Variants in R3HDM2 observed in about 807,000 individuals in gnomAD.
R3HDM2 encodes the protein R3H domain-containing protein 2.
In R3HDM2, 38 loss-of-function variants were observed where a neutral mutation model predicts 124.5. The observed-to-expected ratio is 0.31, with a 90% confidence interval of 0.24 to 0.40. The LOEUF (loss-of-function observed/expected upper bound fraction) is 0.40, where lower values mean the gene tolerates loss of function less well. Ranked by LOEUF, R3HDM2 falls within the 10% of genes least tolerant of loss-of-function variation. R3HDM2 has a pLI of 1.00. For synonymous variants in R3HDM2, 391 were observed against 448.0 expected, an observed-to-expected ratio of 0.87 and a Z score of 1.61; for missense variants, 869 against 1,236.9, an observed-to-expected ratio of 0.70 and a Z score of 4.46.
intron 1 of R3HDM2, chr12:57,430,441 A>G: frequency 3.5e-6 from 3 of 854,864 alleles, no homozygotes; most frequent in Non-Finnish European, 4.2e-6. Flanking sequence ...GAAGGGCGCA[A>G]TAGTTTTTAG....
rs1869738656 is a variant in R3HDM2 at position 57,430,869 on chromosome 12, C to T, written c.-255G>A. The T allele has an allele frequency of 7.8e-6, 1 of 127,900 alleles. No individual in the cohort carries two copies. The highest frequency in any genetic ancestry group is 8.5e-5 in the Admixed American group (1 of 11,778). 7.9% of individuals were successfully genotyped at this position (127,900 alleles called of 1,614,324 possible). A position where few individuals can be genotyped will look rare whatever the true frequency, so the allele number is the denominator to read the frequency against. On this transcript the variant is annotated 5_prime_UTR_variant, in exon 1 of 24. Transcript: ENST00000402412. ...GCCGGGGCTTCCCCGGGGCCGAGGG[C>T]TGGGAAGCAGGGGGGACTGGGACGG...
chr12:57,272,535 G>A (rs1432106401), intron 14 of R3HDM2: 11 of 1,546,112 alleles, frequency 7.1e-6, no homozygotes, highest in Non-Finnish European at 8.7e-7. Flanking sequence ...CTGCGGAGAG[G>A]GCTGCAGAGC....
chr12:57,264,027 G>C (rs2041591734), intron 19 of R3HDM2, among the ~76,000 whole-genome samples: 1 of 152,154 alleles, frequency 6.6e-6, no homozygotes. Flanking sequence ...GGCAGATCAT[G>C]AGGTCAGGAG....
intron 2 of R3HDM2, among the ~76,000 whole-genome samples, chr12:57,334,788 A>G (rs2058649989): frequency 6.6e-6 from 1 of 152,136 alleles, no homozygotes; most frequent in African/African-American, 2.4e-5. Flanking sequence ...GTGTTCAGCT[A>G]AATCACAATA....
At chr12:57,377,043 A>G (rs2064152963) in intron 2 of R3HDM2, among the ~76,000 whole-genome samples, 1 of 149,246 alleles carries the variant, frequency 6.7e-6, no homozygotes, top group Non-Finnish European at 1.5e-5. Context: ...GCTCTTTGCA[A>G]TAAATCTTGC....
chr12:57,297,372 C>G lies in R3HDM2; in HGVS notation c.516G>C (p.Leu172=). ...CCAGAATCTCCTGTTCTAATTTTAGCAGCATCATTCTGTCCCTGTTTAAAA... is the reference window on the plus strand; with the variant it reads ...CCAGAATCTCCTGTTCTAATTTTAGGAGCATCATTCTGTCCCTGTTTAAAA... The part of the protein sequence containing the change: ...LKKNPRDRMM[L]LKLEQEILEF... The change falls in exon 8 of 24, where the codon CTG becomes CTC. Residue 172 remains leucine (L), a synonymous_variant. Coordinates refer to ENST00000402412, the MANE Select transcript of R3HDM2 (RefSeq NM_001394031.1). 1.3e-6 allele frequency: 2 copies of G among 1,525,968 alleles called. No homozygotes were observed. The highest frequency in any genetic ancestry group is 1.8e-6 in the Non-Finnish European group (2 of 1,125,106). 94.5% of individuals were successfully genotyped at this position (1,525,968 alleles called of 1,614,324 possible).
At chr12:57,309,934 G>A (rs147718733) in intron 3 of R3HDM2, among the ~76,000 whole-genome samples, 15 of 152,268 alleles carry the variant, frequency 9.9e-5, no homozygotes, top group African/African-American at 2.6e-4. Flanking sequence ...AATGTTGGCC[G>A]GGCACAGTGG....
intron 2 of R3HDM2, among the ~76,000 whole-genome samples, chr12:57,349,204 C>A (rs867386158): frequency 2.0e-5 from 3 of 151,386 alleles, no homozygotes; most frequent in Non-Finnish European, 4.4e-5. Flanking sequence ...CACGGTGAAA[C>A]CCCGACTCTA....
intron 1 of R3HDM2, among the ~76,000 whole-genome samples, chr12:57,408,227 G>A (rs906865442): frequency 7.9e-5 from 12 of 152,120 alleles, no homozygotes; most frequent in African/African-American, 1.4e-4. Flanking sequence ...CACCATGCCT[G>A]GCCTAATTTT....
intron 2 of R3HDM2, among the ~76,000 whole-genome samples, chr12:57,372,174 G>A (rs1354788112): frequency 2.0e-5 from 3 of 152,070 alleles, no homozygotes; most frequent in Admixed American, 2.0e-4. Flanking sequence ...GCCAACTGTG[G>A]CCTGTTCTTA....
At chr12:57,308,753 G>A (rs759601657) in intron 3 of R3HDM2, among the ~76,000 whole-genome samples, 5 of 152,028 alleles carry the variant, frequency 3.3e-5, no homozygotes, top group African/African-American at 4.8e-5. Context: ...CACAAAACAG[G>A]AATTCAGAAC....
At position 57,360,022 on chromosome 12, in the gene R3HDM2, TACACAC is replaced by T. The variant is rs1275851508; in HGVS notation, c.-36+35721_-36+35726del. On this transcript the variant is annotated intron_variant, in intron 2 of 23. Transcript: ENST00000402412. The stretch of plus-strand genomic sequence containing the variant: ...AAATAAATAAATATATATATATATA[TACACAC>T]ATATATATATATATATATATTTTTT... Among the ~76,000 whole-genome samples the T allele has an allele frequency of 6.0e-3, 539 of 89,688 alleles. 3 individuals carry two copies. Among genetic ancestry groups the T allele is most frequent in the African/African-American group, 0.012 (311 of 26,652 alleles). 58.8% of individuals were successfully genotyped at this position (89,688 alleles called of 152,430 possible).
intron 3 of R3HDM2, chr12:57,304,514 C>G: frequency 2.0e-6 from 2 of 983,978 alleles, no homozygotes; most frequent in Non-Finnish European, 2.4e-6. Flanking sequence ...TTTTCTTGGT[C>G]TTCTTCACTA....
intron 2 of R3HDM2, among the ~76,000 whole-genome samples, chr12:57,311,316 C>T (rs1406923774): frequency 1.3e-5 from 2 of 152,016 alleles, no homozygotes; most frequent in African/African-American, 4.8e-5. Flanking sequence ...AGCTCTGCCT[C>T]CTGGGTTCAC....
At chr12:57,301,759 A>AT (rs2051232519) in intron 4 of R3HDM2, among the ~76,000 whole-genome samples, 1 of 152,154 alleles carries the variant, frequency 6.6e-6, no homozygotes, top group Non-Finnish European at 1.5e-5. Context: ...TTCTATCATT[A>AT]TTTTTTTGGA....
chr12:57,352,537 GGTTGGA>G (rs2060800494), intron 2 of R3HDM2, among the ~76,000 whole-genome samples: 1 of 149,234 alleles, frequency 6.7e-6, no homozygotes, highest in Non-Finnish European at 1.5e-5. Context: ...CTGTCACCCA[GGTTGGA>G]GTGCAGTGGC....
At chr12:57,390,894 C>T (rs1566460632) in intron 2 of R3HDM2, among the ~76,000 whole-genome samples, 1 of 151,790 alleles carries the variant, frequency 6.6e-6, no homozygotes, top group African/African-American at 2.4e-5. Flanking sequence ...TGCCTGTGAT[C>T]CCAGCTTTTC....
At chr12:57,272,355 G>C in intron 14 of R3HDM2, 1 of 1,049,118 alleles carries the variant, frequency 9.5e-7, no homozygotes, top group Non-Finnish European at 1.4e-6. Context: ...CCCTCCAAAA[G>C]CACAACATGC....
chr12:57,428,486 C>T (rs529362581), intron 1 of R3HDM2, among the ~76,000 whole-genome samples: 3 of 42,478 alleles, frequency 7.1e-5, no homozygotes, highest in Non-Finnish European at 1.4e-4. Context: ...AAACATTAGC[C>T]GGGTATGGTG....
Sources: allele counts gnomAD v4.1 joint callset (sites outside exome capture counted in the v4.1 genomes callset), GRCh38; gene constraint gnomAD v4.1.1; transcripts MANE v1.5; gene names NCBI Gene and HGNC (gene_info 2026-07-23, HGNC 2026-07-21).